XPNPEP3: variants seen among roughly 807,000 people sequenced by gnomAD.
The protein encoded by XPNPEP3 is xaa-Pro aminopeptidase 3.
Under a neutral mutation model 60.0 loss-of-function variants are expected in XPNPEP3, and 41 were observed. The ratio of observed to expected loss-of-function variants is 0.68; its 90% confidence interval spans 0.53 to 0.89. The LOEUF is 0.89. XPNPEP3 is among the 40% of genes least tolerant of loss of function. The pLI, the probability that XPNPEP3 is intolerant of heterozygous loss-of-function variation, is 0.00. For missense variants in XPNPEP3, 598 were observed against 638.9 expected (o/e 0.94, Z 0.69); for synonymous variants, 212 against 223.2 (o/e 0.95, Z 0.45).
chr22:40,907,676 A>G (rs766881558), intron 5 of XPNPEP3, 27 bp downstream of exon 5: 21 of 1,601,950 alleles, frequency 1.3e-5, no homozygotes, highest in Admixed American at 8.3e-5. Flanking sequence ...TAGCTTCACC[A>G]TCTTGTTGGA....
intron 9 of XPNPEP3, among the ~76,000 whole-genome samples, chr22:40,925,794 G>T (rs562168396): frequency 6.6e-6 from 1 of 152,130 alleles, no homozygotes; most frequent in African/African-American, 2.4e-5. Context: ...AGTTGTCAAG[G>T]CTAATAATCT....
chr22:40,868,854 AAT>A, intron 1 of XPNPEP3, 143 bp from the exon 2 acceptor site: 7 of 687,468 alleles, frequency 1.0e-5, no homozygotes, highest in Non-Finnish European at 1.8e-5. Flanking sequence ...TTAAAAAAAA[AAT>A]AAATGAATAT....
chr22:40,864,600 C>G (rs1343010015), intron 1 of XPNPEP3, among the ~76,000 whole-genome samples: 1 of 152,062 alleles, frequency 6.6e-6, no homozygotes, highest in African/African-American at 2.4e-5. Flanking sequence ...CATGCACCAC[C>G]ACGCCCGGCT....
At chr22:40,920,989 TC>T (rs2058214409) in intron 7 of XPNPEP3, among the ~76,000 whole-genome samples, 1 of 152,174 alleles carries the variant, frequency 6.6e-6, no homozygotes, top group Non-Finnish European at 1.5e-5. Context: ...ATGGGATTTC[TC>T]CATGTTGGTC....
At chr22:40,877,060 GTCA>G (rs1354117963) in intron 2 of XPNPEP3, among the ~76,000 whole-genome samples, 3 of 152,134 alleles carry the variant, frequency 2.0e-5, no homozygotes, top group Non-Finnish European at 4.4e-5. Context: ...TTTGGTTTCT[GTCA>G]TCATAGACTG....
Position 40,898,224 on chromosome 22 carries a change from C to CTTTTTTTTTT in XPNPEP3, c.793-9363_793-9362insTTTTTTTTTT, listed in dbSNP as rs1405343173. ...ATGTTTTATGTTTAGGTCTTTGACC[C>CTTTTTTTTTT]ATTTTTTTTTTTTTTTTTTTTTTTT... is the stretch of plus-strand genomic sequence containing the variant. On this transcript the variant is annotated intron_variant, in intron 4 of 9. Coordinates refer to ENST00000357137, the MANE Select transcript of XPNPEP3 (RefSeq NM_022098.4). Among the ~76,000 whole-genome samples the CTTTTTTTTTT allele has an allele frequency of 1.9e-4, 13 of 70,254 alleles. 2 individuals are homozygous for CTTTTTTTTTT. Among genetic ancestry groups the CTTTTTTTTTT allele is most frequent in the African/African-American group, 3.1e-4 (5 of 16,256 alleles). 46.1% of individuals were successfully genotyped at this position (70,254 alleles called of 152,430 possible).
intron 8 of XPNPEP3, among the ~76,000 whole-genome samples, chr22:40,922,974 T>C (rs2058222433): frequency 6.6e-6 from 1 of 152,034 alleles, no homozygotes; most frequent in African/African-American, 2.4e-5. Context: ...TAAAATGAAG[T>C]CTGGTGCCGA....
At chr22:40,875,909 A>G (rs1018522097) in intron 2 of XPNPEP3, among the ~76,000 whole-genome samples, 1 of 151,808 alleles carries the variant, frequency 6.6e-6, no homozygotes, top group African/African-American at 2.4e-5. Context: ...AATCCCAGCT[A>G]CTCAGGAGAC....
intron 6 of XPNPEP3, among the ~76,000 whole-genome samples, chr22:40,910,496 G>A (rs1175278377): frequency 1.3e-5 from 2 of 151,622 alleles, no homozygotes; most frequent in African/African-American, 4.9e-5. Flanking sequence ...CTTGAATGCA[G>A]GAGTTCAAGA....
At chr22:40,899,546 G>T (rs1428470651) in intron 4 of XPNPEP3, among the ~76,000 whole-genome samples, 2 of 152,096 alleles carry the variant, frequency 1.3e-5, no homozygotes, top group African/African-American at 4.8e-5. Flanking sequence ...TTGTGCCCGG[G>T]CACAGTGGCT....
chr22:40,902,094 A>T (rs557566138), intron 4 of XPNPEP3, among the ~76,000 whole-genome samples: 97 of 113,634 alleles, frequency 8.5e-4, no homozygotes, highest in Admixed American at 1.3e-3. Flanking sequence ...TTTTTTTGAG[A>T]TGGAGTCTCG....
intron 7 of XPNPEP3, 108 bp downstream of exon 7, chr22:40,914,432 G>GA: frequency 1.1e-6 from 1 of 928,292 alleles, no homozygotes; most frequent in South Asian, 1.4e-5. Context: ...TCCATTCCTG[G>GA]TCAAGTTAGG....
At chr22:40,905,868 C>G (rs569482079) in intron 4 of XPNPEP3, among the ~76,000 whole-genome samples, 148 of 152,226 alleles carry the variant, frequency 9.7e-4, no homozygotes, top group Admixed American at 1.6e-3. Context: ...TCTCGGCTCA[C>G]TGCAACCTCT....
chr22:40,915,433 G>A (rs2058192671), intron 7 of XPNPEP3, among the ~76,000 whole-genome samples: 2 of 151,746 alleles, frequency 1.3e-5, no homozygotes, highest in Non-Finnish European at 2.9e-5. Context: ...AAATTAGCCT[G>A]GGAATGGTAC....
At chr22:40,882,902 T>C (rs1293180006) in intron 3 of XPNPEP3, among the ~76,000 whole-genome samples, 2 of 152,200 alleles carry the variant, frequency 1.3e-5, no homozygotes, top group African/African-American at 4.8e-5. Context: ...CTATCCTAGT[T>C]TGAAATCTCA....
intron 4 of XPNPEP3, among the ~76,000 whole-genome samples, chr22:40,900,654 T>C (rs1403180415): frequency 6.6e-6 from 1 of 152,054 alleles, no homozygotes; most frequent in African/African-American, 2.4e-5. Flanking sequence ...AAAGGCTAAG[T>C]GCAGTGGCTC....
chr22:40,914,371 G>A, intron 7 of XPNPEP3, 47 bp downstream of exon 7: 4 of 1,481,500 alleles, frequency 2.7e-6, no homozygotes, highest in Non-Finnish European at 3.8e-6. Flanking sequence ...TTAGGAGTAT[G>A]AGTTGGAATA....
chr22:40,913,309 G>T (rs1223588652), intron 6 of XPNPEP3, among the ~76,000 whole-genome samples: 2 of 151,808 alleles, frequency 1.3e-5, no homozygotes, highest in Middle Eastern at 3.4e-3. Context: ...GTGGTGGCGG[G>T]CACCTGTAAT....
chr22:40,915,300 C>T (rs1255972510), intron 7 of XPNPEP3, among the ~76,000 whole-genome samples: 1 of 152,020 alleles, frequency 6.6e-6, no homozygotes, highest in Non-Finnish European at 1.5e-5. Context: ...ATGGGCCAGG[C>T]CTGGTGGCTC....
Sources: gnomAD v4.1 joint callset for allele counts (sites outside exome capture counted in the v4.1 genomes callset) on GRCh38, gnomAD v4.1.1 for gene constraint, MANE v1.5 for transcripts, NCBI Gene and HGNC (gene_info 2026-07-23, HGNC 2026-07-21) for gene names.